Variants in FBXO33 observed in about 807,000 individuals in gnomAD.
FBXO33 encodes F-box protein 33.
FBXO33 carries 22 observed loss-of-function variants against 46.3 expected under a neutral mutation model. The observed-to-expected ratio is 0.48, with a 90% confidence interval of 0.34 to 0.68. FBXO33 has a LOEUF of 0.68. Among genes scored for constraint, FBXO33 ranks in the 30% least tolerant of loss-of-function variants. FBXO33 has a pLI of 0.01. For missense variants in FBXO33, 692 were observed against 708.8 expected (o/e 0.98, Z 0.27); for synonymous variants, 337 against 291.3 (o/e 1.16, Z -1.60).
rs2075350017 is a variant in FBXO33, at chr14:39,397,858, C to G, written c.*1658G>C. 1 of 152,600 alleles carries G rather than the reference C, an allele frequency of 6.6e-6. No homozygotes were observed. The highest frequency in any genetic ancestry group is 1.5e-5 in the Non-Finnish European group (1 of 68,034). The allele number at this position is 152,600 out of a possible 1,614,324, so 9.5% of individuals were successfully genotyped here. On this transcript the variant is annotated 3_prime_UTR_variant, in exon 4 of 4. Coordinates refer to ENST00000298097, the MANE Select transcript of FBXO33 (RefSeq NM_203301.4). The stretch of plus-strand genomic sequence containing the variant: ...CATTCAGCTGGTTTCCTTACAGTTT[C>G]TGTCAGGAGTTATTTTATCTGATCA...
chr14:39,408,457 A>G lies in FBXO33; in HGVS notation c.600-5946T>C, dbSNP rs535258586. ...TTGCTATTGAGTTATACGAGTTACC[A>G]TATTTTGGATATTAACCTTTTACCT... On this transcript the variant is annotated intron_variant, in intron 1 of 3. Coordinates refer to ENST00000298097, the MANE Select transcript of FBXO33 (RefSeq NM_203301.4). Among the ~76,000 whole-genome samples, 5 of 152,178 alleles carry G rather than the reference A, an allele frequency of 3.3e-5. No homozygotes were observed. The South Asian group carries it at 1.0e-3, about 32-fold the overall frequency.
At position 39,400,005 on chromosome 14, in the gene FBXO33, A is replaced by G. The variant is rs112348709; in HGVS notation, c.1397-218T>C. ...AGGCTAGAAGTTGTGTTCAAGAGTT[A>G]CCGCTATAGGTGGTGAATTGGCAGG... is the stretch of plus-strand genomic sequence containing the variant. On this transcript the variant is annotated intron_variant, in intron 3 of 3. Transcript: ENST00000298097. Among the ~76,000 whole-genome samples, 13 of 152,332 alleles carry G rather than the reference A, an allele frequency of 8.5e-5. 1 individual carries two copies. The highest frequency in any genetic ancestry group is 2.9e-4 in the African/African-American group (12 of 41,580).
At chr14:39,414,832 T>TA (rs2075439926) in intron 1 of FBXO33, among the ~76,000 whole-genome samples, 1 of 152,124 alleles carries the variant, frequency 6.6e-6, no homozygotes, top group Non-Finnish European at 1.5e-5. Context: ...CAGCTAATTT[T>TA]AAAATATTTT....
At chr14:39,421,605 TAAGG>T (rs1315440071) in intron 1 of FBXO33, among the ~76,000 whole-genome samples, 2 of 152,184 alleles carry the variant, frequency 1.3e-5, no homozygotes, top group Non-Finnish European at 2.9e-5. Context: ...GTGACCATAG[TAAGG>T]AAGACCACAA....
At chr14:39,408,556 A>C (rs2075408843) in intron 1 of FBXO33, among the ~76,000 whole-genome samples, 1 of 152,060 alleles carries the variant, frequency 6.6e-6, no homozygotes, top group Non-Finnish European at 1.5e-5. Context: ...TCTGTGGTCC[A>C]GGCTGGAGTG....
intron 2 of FBXO33, 27 bp downstream of exon 2, chr14:39,402,374 C>A: frequency 8.0e-7 from 1 of 1,245,934 alleles, no homozygotes; most frequent in Middle Eastern, 1.9e-4. Flanking sequence ...ATAGTACAAC[C>A]TCCTTTCCAT....
intron 1 of FBXO33, among the ~76,000 whole-genome samples, chr14:39,426,543 C>G (rs1189815133): frequency 6.6e-6 from 1 of 152,094 alleles, no homozygotes; most frequent in Non-Finnish European, 1.5e-5. Flanking sequence ...GAATATATTC[C>G]AAACTTCATT....
rs2075558625 is a variant in FBXO33, at chr14:39,431,909, G to A, written c.254C>T (p.Ala85Val). The A allele has an allele frequency of 1.3e-6, 2 of 1,543,800 alleles. No homozygotes were observed. The highest frequency in any genetic ancestry group is 1.2e-5 in the South Asian group (1 of 85,106). The change falls in exon 1 of 4, where the codon GCG (alanine) becomes GTG (valine). Residue 85 changes from alanine to valine, a missense_variant. This residue lies in a region of FBXO33 where 412 missense variants were observed against 370.8 expected (regional missense o/e 1.11). Transcript: ENST00000298097. ...GGCCGAGGCCCGCAGCCGGTCGGGC[G>A]CCGGCAGAAAAGAGAAGATGTGCAC... ...LIVHIFSFLPAPDRLRASASC... is the reference protein window; with the variant it reads ...LIVHIFSFLPVPDRLRASASC...
intron 1 of FBXO33, among the ~76,000 whole-genome samples, chr14:39,405,482 T>A (rs1315387395): frequency 3.6e-5 from 5 of 137,526 alleles, no homozygotes; most frequent in South Asian, 2.2e-4. Flanking sequence ...GAAATGAAAA[T>A]CAGGGAATTT....
intron 1 of FBXO33, among the ~76,000 whole-genome samples, chr14:39,416,456 T>C (rs1473991117): frequency 1.3e-5 from 2 of 152,220 alleles, no homozygotes; most frequent in African/African-American, 4.8e-5. Context: ...AACAGCTTTC[T>C]GCTCCTTTTC....
intron 1 of FBXO33, among the ~76,000 whole-genome samples, chr14:39,404,355 C>G (rs2075382564): frequency 6.6e-6 from 1 of 152,034 alleles, no homozygotes; most frequent in South Asian, 2.1e-4. Context: ...GAGATGGAGT[C>G]TCGCTCTGTC....
At chr14:39,425,215 G>C (rs2075506562) in intron 1 of FBXO33, among the ~76,000 whole-genome samples, 1 of 152,202 alleles carries the variant, frequency 6.6e-6, no homozygotes, top group African/African-American at 2.4e-5. Flanking sequence ...CCCAGTGCTT[G>C]AGATTTCAGG....
chr14:39,401,760 G>A lies in FBXO33; in HGVS notation c.812C>T (p.Ser271Phe), dbSNP rs758603898. The A allele has an allele frequency of 3.7e-6, 6 of 1,614,202 alleles. No homozygotes were observed. Among genetic ancestry groups the A allele is most frequent in the Non-Finnish European group, 5.1e-6 (6 of 1,180,032 alleles). The change falls in exon 3 of 4, where the codon TCT becomes TTT. Residue 271 changes from serine to phenylalanine, a missense_variant. Ser to Phe is a radical substitution (Grantham distance 155). Coordinates refer to ENST00000298097, the MANE Select transcript of FBXO33 (RefSeq NM_203301.4). ...LEIVTPTSLSSLSNAVANTME... is the reference protein window; with the variant it reads ...LEIVTPTSLSFLSNAVANTME... The stretch of plus-strand genomic sequence containing the variant: ...GGTGTTGGCAACAGCATTAGAGAGA[G>A]ATGACAGTGATGTTGGGGTTACTAT...
chr14:39,412,274 G>A (rs925003272), intron 1 of FBXO33, among the ~76,000 whole-genome samples: 6 of 152,038 alleles, frequency 3.9e-5, no homozygotes, highest in Non-Finnish European at 8.8e-5. Context: ...TAATTGTTTT[G>A]TCTTCCTGAC....
Position 39,401,713 on chromosome 14 carries a change from C to A in FBXO33, c.859G>T (p.Asp287Tyr), listed in dbSNP as rs766288233. The A allele has an allele frequency of 6.2e-7, 1 of 1,614,160 alleles. No homozygotes were observed. The change falls in exon 3 of 4, where the codon GAC becomes TAC. Residue 287 changes from aspartate to tyrosine, a missense_variant. Asp to Tyr is a radical substitution (Grantham distance 160, BLOSUM62 -3). Transcript: ENST00000298097. ...GTGCTGTTACCAGGAATATTATTGT[C>A]CAGTAAACTGAGGTGCTCCATGGTG... ...ANTMEHLSLL[D>Y]NNIPGNSTLI...
chr14:39,407,513 C>G (rs1301978535), intron 1 of FBXO33, among the ~76,000 whole-genome samples: 1 of 152,186 alleles, frequency 6.6e-6, no homozygotes, highest in African/African-American at 2.4e-5. Context: ...GGGAGTTTGA[C>G]TATTTTAGAT....
At position 39,399,464 on chromosome 14, in the gene FBXO33, A is replaced by C. The variant is rs937922551; in HGVS notation, c.*52T>G. The C allele has an allele frequency of 6.6e-7, 1 of 1,522,744 alleles. No homozygotes were observed. The highest frequency in any genetic ancestry group is 1.4e-5 in the African/African-American group (1 of 72,154). The allele number at this position is 1,522,744 out of a possible 1,614,324, so 94.3% of individuals were successfully genotyped here. ...ATTCACACTACTGAAAAAAAAACAT[A>C]ATAGGACCCTACTTGCATATGTAAC... On this transcript the variant is annotated 3_prime_UTR_variant, in exon 4 of 4. Transcript: ENST00000298097.
chr14:39,427,473 C>T (rs1420173437), intron 1 of FBXO33, among the ~76,000 whole-genome samples: 1 of 151,986 alleles, frequency 6.6e-6, no homozygotes, highest in Admixed American at 6.6e-5. Context: ...TAAATAATAA[C>T]AAAGTAAACT....
intron 1 of FBXO33, among the ~76,000 whole-genome samples, chr14:39,411,256 C>G (rs915194581): frequency 6.6e-6 from 1 of 151,744 alleles, no homozygotes; most frequent in Non-Finnish European, 1.5e-5. Context: ...CCACCACACC[C>G]AACTAATTTT....
Sources: gnomAD v4.1 joint callset for allele counts (sites outside exome capture counted in the v4.1 genomes callset) on GRCh38, gnomAD v4.1.1 for gene constraint, gnomAD v4.1.1 regional missense constraint, MANE v1.5 for transcripts, NCBI Gene and HGNC (gene_info 2026-07-23, HGNC 2026-07-21) for gene names.